The following FBXO41 variants were observed in gnomAD, a reference collection of about 807,000 sequenced individuals.
FBXO41 encodes the protein F-box protein 41, also known as F-box only protein 41.
A neutral mutation model predicts 81.6 loss-of-function variants in FBXO41; 33 were observed. The ratio of observed to expected loss-of-function variants is 0.40; its 90% confidence interval spans 0.31 to 0.54. The LOEUF is 0.54. Ranked by LOEUF, FBXO41 falls within the 20% of genes least tolerant of loss-of-function variation. The probability of loss-of-function intolerance (pLI) is 0.39; values close to 1 mark genes in which losing one functional copy is unlikely to be tolerated. For missense variants in FBXO41, 1,107 were observed against 1,236.0 expected, an observed-to-expected ratio of 0.90 and a Z score of 1.56; for synonymous variants, 576 against 552.7, an observed-to-expected ratio of 1.04 and a Z score of -0.59.
intron 5 of FBXO41, among the ~76,000 whole-genome samples, 153 bp downstream of exon 5, chr2:73,265,129 A>AGCCCTGCCCTGTCACAAGAG (rs1249644950): frequency 2.0e-5 from 3 of 152,172 alleles, no homozygotes; most frequent in African/African-American, 7.2e-5. Flanking sequence ...GTGCCACTGC[A>AGCCCTGCCCTGTCACAAGAG]GCCCTGCCCT....
intron 9 of FBXO41, among the ~76,000 whole-genome samples, chr2:73,262,575 C>T (rs918788572): frequency 6.6e-6 from 1 of 152,206 alleles, no homozygotes; most frequent in Non-Finnish European, 1.5e-5. Flanking sequence ...GTGGACCCTG[C>T]AGGCTTTGTG....
chr2:73,275,688 G>A (rs909538104), intron 1 of FBXO41, among the ~76,000 whole-genome samples: 2 of 152,092 alleles, frequency 1.3e-5, no homozygotes, highest in Non-Finnish European at 2.9e-5. Flanking sequence ...ACTTCCCTGC[G>A]TCACACTTGC....
intron 1 of FBXO41, among the ~76,000 whole-genome samples, chr2:73,279,751 G>A (rs888789019): frequency 6.6e-6 from 1 of 152,138 alleles, no homozygotes; most frequent in Non-Finnish European, 1.5e-5. Flanking sequence ...AAGAGGAGGA[G>A]GCAGCATGGG....
chr2:73,262,844 C>G (rs1688066727), intron 9 of FBXO41, among the ~76,000 whole-genome samples: 1 of 152,192 alleles, frequency 6.6e-6, no homozygotes, highest in Admixed American at 6.5e-5. Context: ...CTCCCAGGTT[C>G]AAGCGATTCT....
intron 1 of FBXO41, among the ~76,000 whole-genome samples, chr2:73,273,289 T>C (rs187691514): frequency 9.9e-5 from 15 of 152,228 alleles, no homozygotes; most frequent in Admixed American, 4.6e-4. Context: ...TGAGGGATAG[T>C]TGCATTATGA....
At chr2:73,265,059 A>C (rs1688186164) in intron 5 of FBXO41, among the ~76,000 whole-genome samples, 1 of 152,100 alleles carries the variant, frequency 6.6e-6, no homozygotes, top group Admixed American at 6.5e-5. Context: ...CTACCACGTG[A>C]ATGGCCCCCC....
At position 73,266,895 on chromosome 2, in the gene FBXO41, A is replaced by C; in HGVS notation, c.906-213T>G. 1.6e-6 allele frequency: 1 copy of C among 610,390 alleles called. No homozygotes were observed. The highest frequency in any genetic ancestry group is 2.5e-6 in the Non-Finnish European group (1 of 396,710). The allele number at this position is 610,390 out of a possible 1,614,324, so 37.8% of individuals were successfully genotyped here. On this transcript the variant is annotated intron_variant, in intron 2 of 12. Coordinates refer to ENST00000520530, the MANE Select transcript of FBXO41 (RefSeq NM_001371389.2). This position sits in a 1 kb window ranked among gnomAD's most constrained non-coding sequence, Gnocchi z 5.3. ...CATGCACTCCGAGCCACACACTCAC[A>C]CCCCACCCACCTGGCCCCAGACCCT... is the stretch of plus-strand genomic sequence containing the variant.
rs1687761210 is a variant in FBXO41 at position 73,255,178 on chromosome 2, T to C, written c.*3804A>G. ...GGCAAGCCCAAGGCCAAGCCTCCCT[T>C]GGGCCATGCTGGCAGTGGCAGAGGA... is the stretch of plus-strand genomic sequence containing the variant. On this transcript the variant is annotated 3_prime_UTR_variant, in exon 13 of 13. Coordinates refer to ENST00000520530, the MANE Select transcript of FBXO41 (RefSeq NM_001371389.2). 6.6e-6 allele frequency: 1 copy of C among 152,654 alleles called. No individual in the cohort carries two copies. Among genetic ancestry groups the C allele is most frequent in the African/African-American group, 2.4e-5 (1 of 41,446 alleles). 9.5% of individuals were successfully genotyped at this position (152,654 alleles called of 1,614,324 possible). A position where few individuals can be genotyped will look rare whatever the true frequency, so the allele number is the denominator to read the frequency against.
At chr2:73,277,435 G>C (rs1376127271) in intron 1 of FBXO41, among the ~76,000 whole-genome samples, 2 of 152,302 alleles carry the variant, frequency 1.3e-5, no homozygotes, top group South Asian at 2.1e-4. Flanking sequence ...CACCATGACA[G>C]AACAGTTGAA....
At chr2:73,267,333 A>G (rs967118695) in intron 2 of FBXO41, among the ~76,000 whole-genome samples, 10 of 152,198 alleles carry the variant, frequency 6.6e-5, no homozygotes, top group African/African-American at 2.2e-4. Flanking sequence ...ACTTGCAGGA[A>G]CCTTCAAAAA....
At chr2:73,270,626 G>A (rs142746960) in intron 1 of FBXO41, among the ~76,000 whole-genome samples, 1 of 152,186 alleles carries the variant, frequency 6.6e-6, no homozygotes, top group African/African-American at 2.4e-5. Context: ...TAGGCTTCCA[G>A]TAAGTGTCCC....
rs916507070 is a variant in FBXO41 at position 73,259,885 on chromosome 2, G to A, written c.2449+504C>T. ...AAGGCACCTTGGCGCAGTTGGCATG[G>A]GGTCCTCTCAGGAGCCAAAGGGTCC... is the stretch of plus-strand genomic sequence containing the variant. On this transcript the variant is annotated intron_variant, in intron 11 of 12. Coordinates refer to ENST00000520530, the MANE Select transcript of FBXO41 (RefSeq NM_001371389.2). This position sits in a 1 kb window ranked among gnomAD's most constrained non-coding sequence, Gnocchi z 4.2. Among the ~76,000 whole-genome samples the A allele has an allele frequency of 5.9e-5, 9 of 152,250 alleles. No homozygotes were observed. Among genetic ancestry groups the A allele is most frequent in the African/African-American group, 2.2e-4 (9 of 41,532 alleles).
rs1169821595 is a variant in FBXO41, at chr2:73,263,736, C to T, written c.2017G>A (p.Asp673Asn). 9 of 1,613,812 alleles carry T rather than the reference C, an allele frequency of 5.6e-6. No individual in the cohort carries two copies. Among genetic ancestry groups the T allele is most frequent in the East Asian group, 2.2e-5 (1 of 44,892 alleles). Residue 673 changes from aspartate to asparagine, a missense_variant, in exon 8 of 13, where the codon GAC becomes AAC. Physicochemically the swap from Asp to Asn is conservative, Grantham distance 23. Around this residue, in one of 2 missense-constraint regions of FBXO41, gnomAD observed 336 missense variants for 446.7 expected, o/e 0.75. Coordinates refer to ENST00000520530, the MANE Select transcript of FBXO41 (RefSeq NM_001371389.2). ...CAGCTGGCCAGCCAGAGCGAGCGGT[C>T]GGTGAGGATGTTTGGACAGTGGGAG... ...RISHCPNILTDRSLWLASCYC... is the reference protein window; with the variant it reads ...RISHCPNILTNRSLWLASCYC...
chr2:73,260,460 C>T lies in FBXO41; in HGVS notation c.2378G>A (p.Gly793Asp), dbSNP rs767251521. ...QEVAAEVCRE[G>D]LKGLEMLVLT... The stretch of plus-strand genomic sequence containing the variant: ...CACCAGCATCTCCAGTCCCTTCAGG[C>T]CTTCCCGGCAGACCTCTGCTGCCAC... Residue 793 changes from glycine to aspartate, a missense_variant, in exon 11 of 13, where the codon GGC becomes GAC. By Grantham distance (94) the Gly-to-Asp change is moderately conservative (BLOSUM62 -1). This residue lies in a region of FBXO41 where 336 missense variants were observed against 446.7 expected (regional missense o/e 0.75). Coordinates refer to ENST00000520530, the MANE Select transcript of FBXO41 (RefSeq NM_001371389.2). This position sits in a 1 kb window ranked among gnomAD's most constrained non-coding sequence, Gnocchi z 5.0. The T allele has an allele frequency of 1.9e-6, 3 of 1,607,804 alleles. No homozygotes were observed. Among genetic ancestry groups the T allele is most frequent in the East Asian group, 2.2e-5 (1 of 44,584 alleles).
At chr2:73,271,336 A>G in intron 1 of FBXO41, 2 of 204,854 alleles carry the variant, frequency 9.8e-6, no homozygotes, top group Non-Finnish European at 2.0e-5. Flanking sequence ...GGGATATGAC[A>G]TAGACCTGGC....
At position 73,265,261 on chromosome 2, in the gene FBXO41, GC is replaced by G; in HGVS notation, c.1564+20del. On this transcript the variant is annotated intron_variant, in intron 5 of 12. Transcript: ENST00000520530. ...CACTGCCTCAGACCTGTGTCCCCCT[GC>G]CCAGCCTTCCGGGACCTACCTGAGA... is the stretch of plus-strand genomic sequence containing the variant. 6.3e-7 allele frequency: 1 copy of G among 1,575,434 alleles called. No homozygotes were observed.
rs1227203882 is a variant in FBXO41, at chr2:73,254,775, G to T, written c.*4207C>A. 6.6e-6 allele frequency: 1 copy of T among 152,594 alleles called. No individual in the cohort carries two copies. The highest frequency in any genetic ancestry group is 2.4e-5 in the African/African-American group (1 of 41,432). 9.5% of individuals were successfully genotyped at this position (152,594 alleles called of 1,614,324 possible). On this transcript the variant is annotated 3_prime_UTR_variant, in exon 13 of 13. Coordinates refer to ENST00000520530, the MANE Select transcript of FBXO41 (RefSeq NM_001371389.2). Reference sequence around the variant, plus strand: ...AGTCCTTTTAAATACATACACTCAGGTACATTCAGCAAAGGGCATCTTACG... The same window carrying T: ...AGTCCTTTTAAATACATACACTCAGTTACATTCAGCAAAGGGCATCTTACG...
Position 73,262,138 on chromosome 2 carries a change from G to T in FBXO41, c.2171+1075C>A, listed in dbSNP as rs1051038123. Among the ~76,000 whole-genome samples, 3 of 152,184 alleles carry T rather than the reference G, an allele frequency of 2.0e-5. No individual in the cohort carries two copies. In the South Asian group the frequency reaches 6.2e-4, roughly 32 times the overall value. On this transcript the variant is annotated intron_variant, in intron 9 of 12. Transcript: ENST00000520530. ...CTTGGGAGGCTGAGGTAGGAGGATCGCCTGAACCTGGGAGGTGGAGGTTGC... is the reference window on the plus strand; with the variant it reads ...CTTGGGAGGCTGAGGTAGGAGGATCTCCTGAACCTGGGAGGTGGAGGTTGC...
chr2:73,261,844 G>C (rs764159957), intron 9 of FBXO41, among the ~76,000 whole-genome samples: 2 of 152,108 alleles, frequency 1.3e-5, no homozygotes, highest in African/African-American at 2.4e-5. Flanking sequence ...TATGCATTTG[G>C]TACTAGGGAT....
Sources: gnomAD v4.1 joint callset for allele counts (sites outside exome capture counted in the v4.1 genomes callset) on GRCh38, gnomAD v4.1.1 for gene constraint, gnomAD v4.1.1 regional missense constraint, Gnocchi (gnomAD v3.1) non-coding constraint, MANE v1.5 for transcripts, NCBI Gene and HGNC (gene_info 2026-07-23, HGNC 2026-07-21) for gene names.